Variants in MYO15B observed in about 807,000 individuals in gnomAD.
The protein encoded by MYO15B is myosin XVB, also known as myosin XVB pseudogene.
MYO15B carries 207 observed loss-of-function variants against 119.3 expected under a neutral mutation model. The observed-to-expected ratio is 1.73, with a 90% confidence interval of 1.55 to 1.95. The LOEUF (loss-of-function observed/expected upper bound fraction) is 1.95, where lower values mean the gene tolerates loss of function less well. Among genes scored for constraint, MYO15B ranks in the 30% most tolerant of loss-of-function variants. The probability of loss-of-function intolerance (pLI) is 0.00; values close to 1 mark genes in which losing one functional copy is unlikely to be tolerated. For missense variants in MYO15B, 2,264 were observed against 1,203.1 expected, an observed-to-expected ratio of 1.88 and a Z score of -13.04; for synonymous variants, 966 against 498.9, an observed-to-expected ratio of 1.94 and a Z score of -12.48.
At chr17:75,621,646 T>G (rs2148118277) in intron 52 of MYO15B, 76 bp downstream of exon 52, 1 of 672,226 alleles carries the variant, frequency 1.5e-6, no homozygotes, top group Non-Finnish European at 2.7e-6. Flanking sequence ...CTTATCTCCT[T>G]GAGCTCTGCC....
intron 29 of MYO15B, 38 bp downstream of exon 29, chr17:75,613,815 T>A (rs2058185671): frequency 2.9e-6 from 2 of 687,290 alleles, no homozygotes; most frequent in East Asian, 5.4e-5. Flanking sequence ...GTGGCCAAAG[T>A]GACCCTTGTC....
chr17:75,593,746 C>T (rs1483786576), intron 9 of MYO15B, among the ~76,000 whole-genome samples: 1 of 151,540 alleles, frequency 6.6e-6, no homozygotes, highest in Admixed American at 6.6e-5. Context: ...ATGGTGAAAC[C>T]CCGTCTCTAC....
chr17:75,614,692 G>A lies in MYO15B; in HGVS notation c.5482+9G>A, dbSNP rs1305212401. The A allele has an allele frequency of 8.5e-6, 6 of 702,476 alleles. No individual in the cohort carries two copies. The highest frequency in any genetic ancestry group is 4.4e-5 in the South Asian group (3 of 67,552). 43.5% of individuals were successfully genotyped at this position (702,476 alleles called of 1,614,324 possible). A position where few individuals can be genotyped will look rare whatever the true frequency, so the allele number is the denominator to read the frequency against. ...CAGCAGGGACCACACAGGTAAGGCTGGAGTGGGCACATGGAGGTTGGCAGA... is the reference window on the plus strand; with the variant it reads ...CAGCAGGGACCACACAGGTAAGGCTAGAGTGGGCACATGGAGGTTGGCAGA... On this transcript the variant is annotated intron_variant, in intron 31 of 63. Coordinates refer to ENST00000645453, the Ensembl canonical transcript of MYO15B.
In MYO15B at chr17:75,589,700, C is replaced by T. The variant is rs749590281; in HGVS notation, c.1643C>T (p.Pro548Leu). The stretch of plus-strand genomic sequence containing the variant: ...GATCCCAAGTTCGCGGTCGTGTTCC[C>T]CAGGATCCACAGGGCAGGGCGGGCG... The change falls in exon 1 of 64, where the codon CCC (proline) becomes CTC (leucine). Residue 548 changes from proline (P) to leucine (L), a missense_variant. Transcript: ENST00000645453. The surrounding 1 kb of genome is among the most constrained non-coding windows in gnomAD (Gnocchi z 4.2). The T allele has an allele frequency of 6.3e-5, 25 of 398,848 alleles. No individual in the cohort carries two copies. The East Asian group carries it at 6.4e-4, about 10-fold the overall frequency. 24.7% of individuals were successfully genotyped at this position (398,848 alleles called of 1,614,324 possible). A position where few individuals can be genotyped will look rare whatever the true frequency, so the allele number is the denominator to read the frequency against.
chr17:75,602,277 A>G (rs183713071), intron 15 of MYO15B: 1 of 634,232 alleles, frequency 1.6e-6, no homozygotes, highest in African/African-American at 1.8e-5. Context: ...ATTGACTAGC[A>G]TAGGTTAAAG....
chr17:75,607,974 A>G (rs892630361), intron 21 of MYO15B, among the ~76,000 whole-genome samples: 3 of 152,186 alleles, frequency 2.0e-5, no homozygotes, highest in Non-Finnish European at 4.4e-5. Context: ...TTTTAAAATC[A>G]TAGCCCTGCT....
exon 47 of MYO15B, chr17:75,619,913 G>A (rs778337452): frequency 3.8e-5 from 27 of 702,422 alleles, no homozygotes; most frequent in Non-Finnish European, 6.2e-5. Context: ...GTGCCGGGGC[G>A]GCTCCACCCT....
At chr17:75,612,074 C>T in intron 25 of MYO15B, 58 bp downstream of exon 25, 3 of 684,630 alleles carry the variant, frequency 4.4e-6, no homozygotes, top group Non-Finnish European at 5.4e-6. Flanking sequence ...TTAGCACCTG[C>T]CTGACAGATG....
At position 75,614,039 on chromosome 17, in the gene MYO15B, G is replaced by A. The variant is rs1568187529; in HGVS notation, c.5220-160G>A. The stretch of plus-strand genomic sequence containing the variant: ...TGGAAGTGGAGGGCCGTGAGGTGAG[G>A]AGGGGAGCAGCCCCCACTGCTGAGC... On this transcript the variant is annotated intron_variant, in intron 29 of 63. Coordinates refer to ENST00000645453, the Ensembl canonical transcript of MYO15B. 2.8e-5 allele frequency: 17 copies of A among 606,514 alleles called. No homozygotes were observed. The South Asian group carries it at 2.9e-4, about 10-fold the overall frequency. 37.6% of individuals were successfully genotyped at this position (606,514 alleles called of 1,614,324 possible). A position where few individuals can be genotyped will look rare whatever the true frequency, so the allele number is the denominator to read the frequency against.
intron 14 of MYO15B, among the ~76,000 whole-genome samples, chr17:75,597,365 G>A (rs1185976729): frequency 6.6e-6 from 1 of 152,148 alleles, no homozygotes; most frequent in African/African-American, 2.4e-5. Flanking sequence ...TAGCAGCCTC[G>A]TCCCTGTTTC....
chr17:75,606,215 G>C (rs373106425), intron 21 of MYO15B, among the ~76,000 whole-genome samples, 194 bp downstream of exon 21: 2 of 152,008 alleles, frequency 1.3e-5, no homozygotes, highest in Non-Finnish European at 2.9e-5. Context: ...TGAATACCCC[G>C]GCCACAAGAA....
intron 21 of MYO15B, among the ~76,000 whole-genome samples, chr17:75,609,485 ATTTT>A (rs749247022): frequency 5.1e-5 from 4 of 77,988 alleles, no homozygotes; most frequent in Admixed American, 1.5e-4. Flanking sequence ...AAGGGAAATG[ATTTT>A]TTTTTTTTTT....
At chr17:75,602,380 G>T in intron 15 of MYO15B, 137 bp from the exon 16 acceptor site, 1 of 700,694 alleles carries the variant, frequency 1.4e-6, no homozygotes, top group Non-Finnish European at 2.6e-6. Context: ...TAGGTAAAGG[G>T]CTGGAAACAC....
chr17:75,611,097 G>T (rs1043419011), intron 23 of MYO15B, 138 bp downstream of exon 23: 10 of 661,528 alleles, frequency 1.5e-5, no homozygotes, highest in African/African-American at 1.2e-4. Context: ...GAAGAGGACC[G>T]GGGTGCTCTT....
chr17:75,588,601 C>T (rs1259252537), exon 1 of MYO15B: 4 of 399,444 alleles, frequency 1.0e-5, no homozygotes, highest in Non-Finnish European at 1.3e-5. Flanking sequence ...GGAGCTGCGG[C>T]CCACGCCGGA....
At chr17:75,590,236 C>T (rs2147686938) in exon 1 of MYO15B, 1 of 399,114 alleles carries the variant, frequency 2.5e-6, no homozygotes, top group Admixed American at 4.4e-5. Flanking sequence ...GGACCTGGCG[C>T]GGTTGCGGTT....
exon 5 of MYO15B, chr17:75,591,660 T>C: frequency 1.4e-6 from 1 of 702,890 alleles, no homozygotes; most frequent in South Asian, 1.5e-5. Flanking sequence ...AAAAAGATCA[T>C]GCAGTTCCTA....
intron 29 of MYO15B, 58 bp downstream of exon 29, chr17:75,613,835 C>T (rs1039951337): frequency 3.1e-6 from 2 of 646,196 alleles, no homozygotes; most frequent in African/African-American, 1.8e-5. Context: ...CCTATACCCT[C>T]CTCCTTCTCC....
At chr17:75,614,287 G>C in exon 30 of MYO15B, 1 of 702,774 alleles carries the variant, frequency 1.4e-6, no homozygotes, top group South Asian at 1.5e-5. Context: ...CTTTGTGCTG[G>C]ACCTGATCAG....
Sources: allele counts gnomAD v4.1 joint callset (sites outside exome capture counted in the v4.1 genomes callset), GRCh38; gene constraint gnomAD v4.1.1; non-coding constraint Gnocchi (gnomAD v3.1); transcripts MANE v1.5; gene names NCBI Gene and HGNC (gene_info 2026-07-23, HGNC 2026-07-21).